Variants in LINGO2 observed in about 807,000 individuals in gnomAD.
LINGO2 encodes the protein leucine rich repeat and Ig domain containing 2, also known as leucine-rich repeat and immunoglobulin-like domain-containing nogo receptor-interacting protein 2.
A neutral mutation model predicts 30.6 loss-of-function variants in LINGO2; 14 were observed. The ratio of observed to expected loss-of-function variants is 0.46; its 90% CI spans 0.30 to 0.72. The LOEUF (loss-of-function observed/expected upper bound fraction) is 0.72. LINGO2 is among the 30% of genes least tolerant of loss of function. The pLI is 0.07. For synonymous variants in LINGO2, 317 were observed against 288.5 expected, an observed-to-expected ratio of 1.10 and a Z score of -1.00; for missense variants, 729 against 751.7, an observed-to-expected ratio of 0.97 and a Z score of 0.35.
At chr9:29,200,874 T>C in the LINGO2 span, among the ~76,000 whole-genome samples, 2 of 152,098 alleles carry the variant, frequency 1.3e-5, no homozygotes, top group African/African-American at 4.8e-5. Flanking sequence ...GGAGTACTGA[T>C]CAGATATTCT....
intron 1 of LINGO2, among the ~76,000 whole-genome samples, chr9:28,626,325 G>A (rs1009127046): frequency 2.6e-5 from 4 of 151,848 alleles, no homozygotes; most frequent in Non-Finnish European, 5.9e-5. Flanking sequence ...GATAAGTATT[G>A]TAATTTTTTC....
intron 1 of LINGO2, among the ~76,000 whole-genome samples, chr9:28,570,706 T>C (rs1318617326): frequency 6.6e-6 from 1 of 151,808 alleles, no homozygotes; most frequent in East Asian, 1.9e-4. Context: ...CAAAACTCTA[T>C]CTACTACCCA....
At chr9:28,150,611 G>A (rs1233072480) in intron 4 of LINGO2, among the ~76,000 whole-genome samples, 2 of 152,154 alleles carry the variant, frequency 1.3e-5, no homozygotes, top group Non-Finnish European at 1.5e-5. Flanking sequence ...AGAGCAGGAT[G>A]GTCTTTTGGG....
chr9:27,998,251 A>G (rs111739773), intron 5 of LINGO2, among the ~76,000 whole-genome samples: 2 of 152,210 alleles, frequency 1.3e-5, no homozygotes, highest in African/African-American at 4.8e-5. Flanking sequence ...GAAACCTTTC[A>G]GCCTCCACCT....
At chr9:28,778,762 C>G in the LINGO2 span, among the ~76,000 whole-genome samples, 1 of 152,136 alleles carries the variant, frequency 6.6e-6, no homozygotes, top group Non-Finnish European at 1.5e-5. Flanking sequence ...TGATAAGTAA[C>G]TCTCTGATAG....
At position 28,596,480 on chromosome 9, in the gene LINGO2, A is replaced by G. The variant is rs145434720; in HGVS notation, c.-365+73720T>C. Among the ~76,000 whole-genome samples, 402 of 152,312 alleles carry G rather than the reference A, an allele frequency of 2.6e-3. 4 individuals carry two copies. The highest frequency in any genetic ancestry group is 9.3e-3 in the African/African-American group (385 of 41,584). ...CTTTTTTCTCTAGTGATATCATAAG[A>G]AAAATCAATTCTTAGTAGAGAATAT... On this transcript the variant is annotated intron_variant, in intron 1 of 5. Coordinates refer to ENST00000379992, the Ensembl canonical transcript of LINGO2.
chr9:28,744,867 C>T, the LINGO2 span, among the ~76,000 whole-genome samples: 2 of 151,690 alleles, frequency 1.3e-5, no homozygotes, highest in South Asian at 4.1e-4. Context: ...AATCTCTTGA[C>T]CTCGTGATCC....
At chr9:28,247,744 C>T (rs1822054629) in intron 4 of LINGO2, among the ~76,000 whole-genome samples, 1 of 151,840 alleles carries the variant, frequency 6.6e-6, no homozygotes, top group African/African-American at 2.4e-5. Context: ...ACATGTATCC[C>T]AGAACTTAAA....
the LINGO2 span, among the ~76,000 whole-genome samples, chr9:28,821,753 T>C: frequency 6.6e-6 from 1 of 152,178 alleles, no homozygotes; most frequent in Non-Finnish European, 1.5e-5. Flanking sequence ...TGGGAGGACG[T>C]TCCCATTCCT....
chr9:28,539,108 G>A (rs907696084), intron 1 of LINGO2, among the ~76,000 whole-genome samples: 1 of 151,770 alleles, frequency 6.6e-6, no homozygotes, highest in African/African-American at 2.4e-5. Context: ...TATTCTTTCA[G>A]TAAGGTTGAA....
intron 4 of LINGO2, among the ~76,000 whole-genome samples, chr9:28,193,982 A>G (rs1819918923): frequency 6.6e-6 from 1 of 152,172 alleles, no homozygotes; most frequent in Non-Finnish European, 1.5e-5. Flanking sequence ...GAAAAGTGGA[A>G]TTGTATGGCA....
intron 4 of LINGO2, among the ~76,000 whole-genome samples, chr9:28,160,303 G>T (rs1248795419): frequency 1.3e-5 from 2 of 152,134 alleles, no homozygotes; most frequent in Non-Finnish European, 2.9e-5. Context: ...ACTGATATCT[G>T]TGAGATGTCT....
Position 28,043,087 on chromosome 9 carries a change from C to T in LINGO2, c.-86-30682G>A, listed in dbSNP as rs115252785. ...TGGGGCACCCTGCCTGGGCTAAGCC[C>T]CTGGTGTTAATGAGACACTCTGCAG... On this transcript the variant is annotated intron_variant, in intron 4 of 5. Transcript: ENST00000379992. Among the ~76,000 whole-genome samples, 457 of 152,228 alleles carry T rather than the reference C, an allele frequency of 3.0e-3. 2 individuals are homozygous for T. Among genetic ancestry groups the T allele is most frequent in the African/African-American group, 0.01 (433 of 41,542 alleles).
At chr9:29,077,333 CAAGT>C in the LINGO2 span, among the ~76,000 whole-genome samples, 3 of 151,952 alleles carry the variant, frequency 2.0e-5, no homozygotes, top group African/African-American at 7.2e-5. Flanking sequence ...AATCTATGCT[CAAGT>C]GACTTTTTTG....
chr9:28,787,169 G>A, the LINGO2 span, among the ~76,000 whole-genome samples: 3 of 152,134 alleles, frequency 2.0e-5, no homozygotes, highest in South Asian at 2.1e-4. Flanking sequence ...GTGCAAGAAC[G>A]AATGAGGACT....
At chr9:28,476,743 C>G (rs1000004046) in intron 1 of LINGO2, among the ~76,000 whole-genome samples, 1 of 152,144 alleles carries the variant, frequency 6.6e-6, no homozygotes, top group African/African-American at 2.4e-5. Flanking sequence ...GTCCGTAAAC[C>G]TGCTTTCAAA....
chr9:28,505,017 G>T (rs1226288327), intron 1 of LINGO2, among the ~76,000 whole-genome samples: 1 of 151,848 alleles, frequency 6.6e-6, no homozygotes, highest in Non-Finnish European at 1.5e-5. Flanking sequence ...GGATGAGAAA[G>T]AAAATTATGT....
intron 4 of LINGO2, among the ~76,000 whole-genome samples, chr9:28,043,474 G>C (rs1341274466): frequency 1.3e-5 from 2 of 152,214 alleles, no homozygotes; most frequent in Non-Finnish European, 2.9e-5. Context: ...GGGGTTGAGA[G>C]ACTGGAAACA....
Position 28,410,184 on chromosome 9 carries a change from AG to A in LINGO2, c.-278-37317del, listed in dbSNP as rs201662679. On this transcript the variant is annotated intron_variant, in intron 2 of 5. Transcript: ENST00000379992. ...CAGAGAAAGAGAAAGAGGAAAGGAA[AG>A]GGAAAGGAAAGGAAGAAATAGAGGT... is the stretch of plus-strand genomic sequence containing the variant. Among the ~76,000 whole-genome samples the A allele has an allele frequency of 2.8e-3, 420 of 150,654 alleles. 4 individuals are homozygous for A. The highest frequency in any genetic ancestry group is 9.0e-3 in the African/African-American group (369 of 41,004).
Sources: allele counts gnomAD v4.1 joint callset (sites outside exome capture counted in the v4.1 genomes callset), GRCh38; gene constraint gnomAD v4.1.1; transcripts MANE v1.5; gene names NCBI Gene and HGNC (gene_info 2026-07-23, HGNC 2026-07-21).